Variants in GALNT13 observed in about 807,000 individuals in gnomAD.
The protein encoded by GALNT13 is UDP-GalNAc:polypeptide N-acetylgalactosaminyltransferase 13.
In GALNT13, 28 loss-of-function variants were observed where a neutral mutation model predicts 64.2. That is an observed-to-expected ratio of 0.44 (90% CI 0.32 to 0.60). The LOEUF (loss-of-function observed/expected upper bound fraction) is 0.60, where lower values mean the gene tolerates loss of function less well. GALNT13 is among the 20% of genes least tolerant of loss of function. The pLI is 0.05. For synonymous variants in GALNT13, 214 were observed against 224.6 expected (o/e 0.95, Z 0.42); for missense variants, 577 against 669.8 (o/e 0.86, Z 1.53).
intron 9 of GALNT13, among the ~76,000 whole-genome samples, chr2:154,371,600 G>A (rs1048166941): frequency 2.0e-5 from 3 of 152,008 alleles, no homozygotes; most frequent in Non-Finnish European, 2.9e-5. Flanking sequence ...AATTTCTTGA[G>A]GAGGGCAGAG....
chr2:153,441,412 TA>T, the GALNT13 span, among the ~76,000 whole-genome samples: 8 of 152,174 alleles, frequency 5.3e-5, no homozygotes, highest in African/African-American at 1.9e-4. Context: ...TTTTACTTAC[TA>T]TTGTCTTGGC....
the GALNT13 span, among the ~76,000 whole-genome samples, chr2:153,091,037 ACCCTCCCTGTCTGCTGACTC>A: frequency 6.6e-6 from 1 of 151,524 alleles, no homozygotes; most frequent in African/African-American, 2.4e-5. Context: ...TCAGACCTTG[ACCCTCCCTGTCTGCTGACTC>A]CATTGGCGGT....
chr2:153,388,191 T>G, the GALNT13 span, among the ~76,000 whole-genome samples: 2 of 152,064 alleles, frequency 1.3e-5, no homozygotes, highest in Non-Finnish European at 2.9e-5. Flanking sequence ...AGTTGGAGCT[T>G]GAAATATGAC....
chr2:153,997,217 G>C (rs1695579988), intron 3 of GALNT13, among the ~76,000 whole-genome samples: 7 of 152,068 alleles, frequency 4.6e-5, no homozygotes. Flanking sequence ...AATGCCATTG[G>C]TGTTTTGATA....
chr2:153,107,437 T>G, the GALNT13 span, among the ~76,000 whole-genome samples: 2 of 152,262 alleles, frequency 1.3e-5, no homozygotes. Context: ...AATCTCTGTT[T>G]TTTAAAACAT....
At chr2:153,140,382 A>G in the GALNT13 span, among the ~76,000 whole-genome samples, 1 of 152,052 alleles carries the variant, frequency 6.6e-6, no homozygotes, top group East Asian at 1.9e-4. Flanking sequence ...GTTGTATACA[A>G]CAAAGGACAG....
chr2:153,172,435 A>C, the GALNT13 span, among the ~76,000 whole-genome samples: 1 of 152,088 alleles, frequency 6.6e-6, no homozygotes. Context: ...CTCTGTATTA[A>C]AGGACTTTTG....
At chr2:153,146,292 G>C in the GALNT13 span, among the ~76,000 whole-genome samples, 1 of 151,514 alleles carries the variant, frequency 6.6e-6, no homozygotes, top group Non-Finnish European at 1.5e-5. Flanking sequence ...ATTATTCTTG[G>C]GTTCTCTGAA....
chr2:154,317,445 T>C (rs994013057), intron 9 of GALNT13, among the ~76,000 whole-genome samples: 1 of 152,196 alleles, frequency 6.6e-6, no homozygotes, highest in Non-Finnish European at 1.5e-5. Flanking sequence ...TTTAGCGATG[T>C]TCTAGTGAGA....
chr2:153,713,252 TTGTA>T, the GALNT13 span, among the ~76,000 whole-genome samples: 1 of 152,312 alleles, frequency 6.6e-6, no homozygotes, highest in Admixed American at 6.5e-5. Flanking sequence ...ACACTTCCCT[TTGTA>T]TGAAATAAAT....
the GALNT13 span, among the ~76,000 whole-genome samples, chr2:153,596,296 G>A: frequency 6.6e-6 from 1 of 152,146 alleles, no homozygotes; most frequent in Admixed American, 6.5e-5. Context: ...GATGAAATCA[G>A]TCAGAGAGCC....
intron 11 of GALNT13, 74 bp downstream of exon 11, chr2:154,409,156 C>A: frequency 2.2e-6 from 2 of 892,974 alleles, no homozygotes; most frequent in Non-Finnish European, 3.8e-6. Flanking sequence ...GAGACCATGG[C>A]TCACATGTTA....
At chr2:154,319,822 T>C (rs971570473) in intron 9 of GALNT13, among the ~76,000 whole-genome samples, 2 of 152,106 alleles carry the variant, frequency 1.3e-5, no homozygotes, top group Non-Finnish European at 2.9e-5. Context: ...TTCAGTAACA[T>C]ATTTTGATTT....
chr2:154,312,642 C>T (rs571655706), intron 9 of GALNT13, among the ~76,000 whole-genome samples: 71 of 152,196 alleles, frequency 4.7e-4, no homozygotes, highest in African/African-American at 1.7e-3. Context: ...GCCTTTATGG[C>T]TTTTTTGGTT....
the GALNT13 span, among the ~76,000 whole-genome samples, chr2:153,650,401 A>G: frequency 3.6e-5 from 5 of 140,080 alleles, no homozygotes; most frequent in African/African-American, 1.4e-4. Flanking sequence ...ACACTGGTGG[A>G]TCTTGACTCT....
the GALNT13 span, among the ~76,000 whole-genome samples, chr2:153,698,249 A>T: frequency 6.6e-6 from 1 of 152,202 alleles, no homozygotes; most frequent in African/African-American, 2.4e-5. Context: ...TAACAATATT[A>T]ACCTTAAATG....
chr2:154,003,719 C>G (rs974013687), intron 3 of GALNT13, among the ~76,000 whole-genome samples: 8 of 152,090 alleles, frequency 5.3e-5, no homozygotes, highest in African/African-American at 1.7e-4. Flanking sequence ...GGGGAGGTTT[C>G]TCATGAATGG....
chr2:153,846,309 A>G, the GALNT13 span, among the ~76,000 whole-genome samples: 1 of 152,146 alleles, frequency 6.6e-6, no homozygotes, highest in Non-Finnish European at 1.5e-5. Flanking sequence ...TACACAAGGA[A>G]GAAAGTAAAG....
intron 3 of GALNT13, among the ~76,000 whole-genome samples, chr2:153,970,123 T>C (rs1204026692): frequency 6.6e-6 from 1 of 152,216 alleles, no homozygotes; most frequent in African/African-American, 2.4e-5. Context: ...CAGAATCATC[T>C]TGACAAAATT....
Sources: gnomAD v4.1 joint callset for allele counts (sites outside exome capture counted in the v4.1 genomes callset) on GRCh38, gnomAD v4.1.1 for gene constraint, MANE v1.5 for transcripts, NCBI Gene and HGNC (gene_info 2026-07-23, HGNC 2026-07-21) for gene names.